AP1B1: variants seen among roughly 807,000 people sequenced by gnomAD.
The protein encoded by AP1B1 is AP-1 complex subunit beta-1.
Under a neutral mutation model 104.3 loss-of-function variants are expected in AP1B1, and 36 were observed. The ratio of observed to expected loss-of-function variants is 0.35; its 90% confidence interval spans 0.26 to 0.46. The LOEUF is 0.46. AP1B1 is among the 20% of genes least tolerant of loss of function. The pLI is 1.00. For synonymous variants in AP1B1, 504 were observed against 517.5 expected, an observed-to-expected ratio of 0.97 and a Z score of 0.35; for missense variants, 901 against 1,247.9, an observed-to-expected ratio of 0.72 and a Z score of 4.19.
Position 29,331,888 on chromosome 22 carries a change from G to C in AP1B1, c.2338C>G (p.Gln780Glu). ...TTGGGGCTGAGTGGCGCGTGGACCTGGAGGGGGGCGGCGGGGGCCAGGCCA... is the reference window on the plus strand; with the variant it reads ...TTGGGGCTGAGTGGCGCGTGGACCTCGAGGGGGGCGGCGGGGGCCAGGCCA... Reference protein sequence around the residue: ...SFGLAPAAPLQVHAPLSPNQT... With the variant: ...SFGLAPAAPLEVHAPLSPNQT... The change falls in exon 18 of 23, where the codon CAG (glutamine) becomes GAG (glutamate). Residue 780 changes from glutamine (Q) to glutamate (E), a missense_variant. Around this residue, in one of 3 missense-constraint regions of AP1B1, gnomAD observed 424 missense variants for 494.0 expected, o/e 0.86. Transcript: ENST00000357586. 6.2e-7 allele frequency: 1 copy of C among 1,612,404 alleles called. No homozygotes were observed. The highest frequency in any genetic ancestry group is 2.2e-5 in the East Asian group (1 of 44,784).
At chr22:29,383,890 C>T (rs898891611) in intron 1 of AP1B1, among the ~76,000 whole-genome samples, 1 of 152,108 alleles carries the variant, frequency 6.6e-6, no homozygotes, top group Non-Finnish European at 1.5e-5. Flanking sequence ...TAGGAGAGGC[C>T]TCCCTTCCTG....
chr22:29,331,734 G>A, intron 18 of AP1B1, 53 bp downstream of exon 18: 1 of 1,613,996 alleles, frequency 6.2e-7, no homozygotes, highest in Non-Finnish European at 8.5e-7. Context: ...CCCCAGTGGG[G>A]CCCGGCTGGT....
intron 11 of AP1B1, among the ~76,000 whole-genome samples, chr22:29,344,193 C>A (rs1284022356): frequency 2.6e-5 from 4 of 152,104 alleles, no homozygotes; most frequent in Non-Finnish European, 4.4e-5. Context: ...ATTATCACCA[C>A]TACCATCACA....
intron 17 of AP1B1, among the ~76,000 whole-genome samples, chr22:29,333,477 G>C (rs569379181): frequency 6.6e-6 from 1 of 152,310 alleles, no homozygotes; most frequent in South Asian, 2.1e-4. Context: ...CTCCTATGTG[G>C]GGTGTTTGCC....
At chr22:29,362,063 A>T (rs1242391952) in intron 3 of AP1B1, among the ~76,000 whole-genome samples, 1 of 152,118 alleles carries the variant, frequency 6.6e-6, no homozygotes, top group East Asian at 1.9e-4. Flanking sequence ...AAGTGCTAGG[A>T]TTACAGGTGT....
chr22:29,371,306 C>T (rs2062233181), intron 1 of AP1B1, among the ~76,000 whole-genome samples: 1 of 152,208 alleles, frequency 6.6e-6, no homozygotes, highest in African/African-American at 2.4e-5. Context: ...TCATAGATGC[C>T]ATGAGAAAGA....
At chr22:29,351,541 T>C (rs1336507260) in intron 8 of AP1B1, 164 bp downstream of exon 8, 2 of 954,382 alleles carry the variant, frequency 2.1e-6, no homozygotes, top group Non-Finnish European at 3.1e-6. Context: ...AATAAAAACA[T>C]CAGTTCTTTT....
At chr22:29,377,648 A>T (rs2062366759) in intron 1 of AP1B1, among the ~76,000 whole-genome samples, 1 of 151,968 alleles carries the variant, frequency 6.6e-6, no homozygotes, top group African/African-American at 2.4e-5. Flanking sequence ...TCTCTACTAA[A>T]CATACAAAAA....
At chr22:29,351,637 C>T (rs1384532343) in intron 8 of AP1B1, 68 bp downstream of exon 8, 1 of 1,584,716 alleles carries the variant, frequency 6.3e-7, no homozygotes, top group African/African-American at 1.3e-5. Flanking sequence ...TGGGCCAGAG[C>T]CTACAGTCTG....
At chr22:29,372,766 ACTAT>A (rs548399642) in intron 1 of AP1B1, among the ~76,000 whole-genome samples, 22 of 152,318 alleles carry the variant, frequency 1.4e-4, no homozygotes, top group African/African-American at 4.8e-4. Flanking sequence ...AGAAATATAG[ACTAT>A]CTTTCTGTGT....
chr22:29,341,752 ATC>A lies in AP1B1; in HGVS notation c.1543_1544del (p.Asp515Ter). The A allele has an allele frequency of 6.2e-7, 1 of 1,606,772 alleles. No homozygotes were observed. Among genetic ancestry groups the A allele is most frequent in the Non-Finnish European group, 8.5e-7 (1 of 1,174,062 alleles). On this transcript the variant is annotated frameshift_variant, in exon 13 of 23. Transcript: ENST00000357586. LOFTEE classifies it high-confidence loss of function. The stretch of plus-strand genomic sequence containing the variant: ...AGCCACGGTCCCGCAGGTCTGGGTT[ATC>A]TGAGTCCTTGTGGGGGTGAGGAGAA... The part of the protein sequence containing the change: ...QVLSLATQDS[D>X]NPDLRDRGYI...
At chr22:29,340,278 G>C (rs1489542325) in intron 14 of AP1B1, among the ~76,000 whole-genome samples, 1 of 152,178 alleles carries the variant, frequency 6.6e-6, no homozygotes, top group African/African-American at 2.4e-5. Context: ...AGGGTAAGTG[G>C]ACACAAGTCT....
intron 1 of AP1B1, among the ~76,000 whole-genome samples, chr22:29,378,855 TCC>T (rs1289169875): frequency 3.1e-5 from 2 of 63,596 alleles, no homozygotes; most frequent in African/African-American, 1.4e-4. Flanking sequence ...CAAGACTCCG[TCC>T]CACAAAAAAA....
rs1020156382 is a variant in AP1B1, at chr22:29,339,145, G to A, written c.2020-12C>T. Reference sequence around the variant, plus strand: ...TTGGTGCCCCCAATCTGGAAAGGGAGGGAAAGAGTCAGAGGTGGGCGTCAA... The same window carrying A: ...TTGGTGCCCCCAATCTGGAAAGGGAAGGAAAGAGTCAGAGGTGGGCGTCAA... On this transcript the variant is annotated splice_polypyrimidine_tract_variant and intron_variant, in intron 15 of 22. Transcript: ENST00000357586. 3 of 1,613,888 alleles carry A rather than the reference G, an allele frequency of 1.9e-6. No homozygotes were observed. Among genetic ancestry groups the A allele is most frequent in the Admixed American group, 1.7e-5 (1 of 60,000 alleles).
chr22:29,377,025 G>A (rs1480437156), intron 1 of AP1B1, among the ~76,000 whole-genome samples: 2 of 151,804 alleles, frequency 1.3e-5, no homozygotes, highest in African/African-American at 4.8e-5. Flanking sequence ...GTGAAACCCT[G>A]TCTCTACTGA....
At position 29,340,605 on chromosome 22, in the gene AP1B1, G is replaced by A. The variant is rs1387388044; in HGVS notation, c.1998+51C>T. Reference sequence around the variant, plus strand: ...TGGCATGGAGGGGCATTCAGTGACTGCTCCTCTGAGGATCATTATCAACAT... The same window carrying A: ...TGGCATGGAGGGGCATTCAGTGACTACTCCTCTGAGGATCATTATCAACAT... On this transcript the variant is annotated intron_variant, in intron 14 of 22. Coordinates refer to ENST00000357586, the MANE Select transcript of AP1B1 (RefSeq NM_001127.4). 4.1e-6 allele frequency: 6 copies of A among 1,479,166 alleles called. No homozygotes were observed. The Admixed American group carries it at 1.1e-4, about 28-fold the overall frequency. The allele number at this position is 1,479,166 out of a possible 1,614,324, so 91.6% of individuals were successfully genotyped here.
At chr22:29,330,868 C>A (rs1396129380) in intron 19 of AP1B1, among the ~76,000 whole-genome samples, 159 bp from the exon 20 acceptor site, 3 of 152,138 alleles carry the variant, frequency 2.0e-5, no homozygotes, top group African/African-American at 4.8e-5. Flanking sequence ...TAAGCACACC[C>A]TCCGCTCTGT....
chr22:29,368,002 T>G (rs887472189), intron 1 of AP1B1, among the ~76,000 whole-genome samples: 1 of 152,128 alleles, frequency 6.6e-6, no homozygotes. Flanking sequence ...TGAAGTACTA[T>G]TGTAGACAAT....
intron 6 of AP1B1, among the ~76,000 whole-genome samples, chr22:29,355,090 A>C (rs765128725): frequency 1.3e-5 from 2 of 152,144 alleles, no homozygotes; most frequent in Non-Finnish European, 2.9e-5. Context: ...TATAAAAATT[A>C]GCTGGGCATG....
Sources: allele counts gnomAD v4.1 joint callset (sites outside exome capture counted in the v4.1 genomes callset), GRCh38; gene constraint gnomAD v4.1.1; regional missense constraint gnomAD v4.1.1; transcripts MANE v1.5; gene names NCBI Gene and HGNC (gene_info 2026-07-23, HGNC 2026-07-21).